Variants in NOS1AP observed in about 807,000 individuals in gnomAD.
NOS1AP encodes carboxyl-terminal PDZ ligand of neuronal nitric oxide synthase protein.
A neutral mutation model predicts 56.2 loss-of-function variants in NOS1AP; 21 were observed. That is an observed-to-expected ratio of 0.37 (90% confidence interval 0.26 to 0.54). The LOEUF (loss-of-function observed/expected upper bound fraction) is 0.54. NOS1AP is among the 20% of genes least tolerant of loss of function. The pLI is 0.84. For missense variants in NOS1AP, 522 were observed against 657.8 expected (o/e 0.79, Z 2.26); for synonymous variants, 270 against 274.6 (o/e 0.98, Z 0.17).
In NOS1AP at chr1:162,078,844, C is replaced by T. The variant is rs559455010; in HGVS notation, c.105+8562C>T. Among the ~76,000 whole-genome samples, 5 of 152,294 alleles carry T rather than the reference C, an allele frequency of 3.3e-5. No individual in the cohort carries two copies. In the South Asian group the frequency reaches 1.0e-3, roughly 32 times the overall value. On this transcript the variant is annotated intron_variant, in intron 1 of 9. Coordinates refer to ENST00000361897, the MANE Select transcript of NOS1AP (RefSeq NM_014697.3). ...AGTTTCCCACCCCGTTCACAAGTCA[C>T]TCTGTGAAGTGGATGTTACCAGTCC...
At chr1:162,118,046 G>A (rs1045215731) in intron 1 of NOS1AP, among the ~76,000 whole-genome samples, 1 of 152,184 alleles carries the variant, frequency 6.6e-6, no homozygotes, top group Middle Eastern at 3.2e-3. Context: ...GTTATGAGAA[G>A]ATACAGATAA....
intron 3 of NOS1AP, among the ~76,000 whole-genome samples, chr1:162,298,673 GA>G (rs1344363691): frequency 6.6e-6 from 1 of 152,196 alleles, no homozygotes; most frequent in Non-Finnish European, 1.5e-5. Context: ...TACCAGGAAT[GA>G]GGAAAATCTC....
chr1:162,364,826 T>G, intron 8 of NOS1AP: 2 of 987,962 alleles, frequency 2.0e-6, no homozygotes, highest in Non-Finnish European at 2.4e-6. Flanking sequence ...CCTCACTAAT[T>G]TAAAAAGCCA....
intron 1 of NOS1AP, among the ~76,000 whole-genome samples, chr1:162,128,581 T>C (rs894998501): frequency 3.9e-5 from 6 of 152,218 alleles, no homozygotes; most frequent in South Asian, 2.1e-4. Flanking sequence ...CAAAAACTCC[T>C]CAAAAAAATT....
At chr1:162,237,521 G>T (rs1212037312) in intron 2 of NOS1AP, among the ~76,000 whole-genome samples, 2 of 152,210 alleles carry the variant, frequency 1.3e-5, no homozygotes, top group Non-Finnish European at 2.9e-5. Flanking sequence ...TTTCAGCTCA[G>T]TGCCTGGTTT....
chr1:162,093,174 G>A (rs1300084046), intron 1 of NOS1AP, among the ~76,000 whole-genome samples: 2 of 152,164 alleles, frequency 1.3e-5, no homozygotes, highest in Non-Finnish European at 2.9e-5. Context: ...TGCTGGTTCT[G>A]ATAAAAATAT....
At chr1:162,125,654 A>G (rs1430400109) in intron 1 of NOS1AP, among the ~76,000 whole-genome samples, 1 of 152,062 alleles carries the variant, frequency 6.6e-6, no homozygotes, top group East Asian at 1.9e-4. Flanking sequence ...TACTAGTACC[A>G]TGCTGTTTTG....
chr1:162,199,945 G>A (rs139869240), intron 2 of NOS1AP, among the ~76,000 whole-genome samples: 2,158 of 152,290 alleles, frequency 0.014, 32 homozygotes, highest in Non-Finnish European at 0.023. Flanking sequence ...ATGCACCTTT[G>A]CTTTGTAGGA....
intron 1 of NOS1AP, among the ~76,000 whole-genome samples, chr1:162,134,973 A>G (rs1337071): frequency 0.24 from 35,788 of 152,092 alleles, 7,837 homozygotes; most frequent in African/African-American, 0.59. Context: ...CTCCATTTCT[A>G]TGCACGCTGA....
At chr1:162,183,655 T>C (rs1310829920) in intron 2 of NOS1AP, among the ~76,000 whole-genome samples, 1 of 152,266 alleles carries the variant, frequency 6.6e-6, no homozygotes, top group East Asian at 1.9e-4. Context: ...TCCATTTTTA[T>C]GTTACAGAGA....
At chr1:162,179,643 A>G (rs1172063171) in intron 2 of NOS1AP, among the ~76,000 whole-genome samples, 2 of 152,220 alleles carry the variant, frequency 1.3e-5, no homozygotes, top group African/African-American at 4.8e-5. Context: ...AGCAGGCTTC[A>G]CAGAGGCTGT....
intron 2 of NOS1AP, among the ~76,000 whole-genome samples, chr1:162,182,880 G>A (rs567264669): frequency 6.6e-6 from 1 of 152,264 alleles, no homozygotes; most frequent in Non-Finnish European, 1.5e-5. Flanking sequence ...ACCCCTCAAA[G>A]TCATCCTGGA....
intron 1 of NOS1AP, among the ~76,000 whole-genome samples, chr1:162,120,026 A>G (rs1241029017): frequency 6.6e-6 from 1 of 151,668 alleles, no homozygotes; most frequent in Non-Finnish European, 1.5e-5. Flanking sequence ...AATTGGTACA[A>G]CCTCTTAGGA....
chr1:162,367,436 G>A lies in NOS1AP; in HGVS notation c.1490G>A (p.Gly497Asp). The change falls in exon 10 of 10, where the codon GGC becomes GAC. Residue 497 changes from glycine to aspartate, a missense_variant. Transcript: ENST00000361897. The surrounding 1 kb of genome is among the most constrained non-coding windows in gnomAD (Gnocchi z 6.5). ...LLNVLQRQEL[G>D]DGLDDEIAV Reference sequence around the variant, plus strand: ...AATGTCCTGCAGAGGCAGGAACTGGGCGACGGCCTGGATGATGAGATCGCC... The same window carrying A: ...AATGTCCTGCAGAGGCAGGAACTGGACGACGGCCTGGATGATGAGATCGCC... 5 of 1,577,190 alleles carry A rather than the reference G, an allele frequency of 3.2e-6. No homozygotes were observed. The highest frequency in any genetic ancestry group is 4.3e-6 in the Non-Finnish European group (5 of 1,158,148).
At chr1:162,287,262 C>G (rs1655118837) in intron 2 of NOS1AP, 82 bp from the exon 3 acceptor site, 1 of 1,014,252 alleles carries the variant, frequency 9.9e-7, no homozygotes, top group Non-Finnish European at 1.6e-6. Flanking sequence ...GACCTTTTTT[C>G]CAGGCATGGG....
At chr1:162,247,614 A>G (rs892279107) in intron 2 of NOS1AP, among the ~76,000 whole-genome samples, 1 of 152,188 alleles carries the variant, frequency 6.6e-6, no homozygotes, top group African/African-American at 2.4e-5. Flanking sequence ...TTCTGTTTCC[A>G]GACTCCAGAG....
intron 1 of NOS1AP, among the ~76,000 whole-genome samples, chr1:162,131,731 G>A (rs754611785): frequency 6.6e-5 from 10 of 151,972 alleles, no homozygotes; most frequent in South Asian, 2.1e-4. Flanking sequence ...GTTATAAGGC[G>A]GCATTTTTTT....
intron 4 of NOS1AP, among the ~76,000 whole-genome samples, chr1:162,307,644 A>G (rs1414565426): frequency 6.6e-6 from 1 of 152,012 alleles, no homozygotes; most frequent in African/African-American, 2.4e-5. Flanking sequence ...TCTACTAAAA[A>G]TACAGAAATA....
chr1:162,134,400 T>G (rs1465406413), intron 1 of NOS1AP, among the ~76,000 whole-genome samples: 1 of 147,858 alleles, frequency 6.8e-6, no homozygotes, highest in African/African-American at 2.5e-5. Context: ...GGCATGAAAA[T>G]CGCTTGAACC....
Sources: gnomAD v4.1 joint callset for allele counts (sites outside exome capture counted in the v4.1 genomes callset) on GRCh38, gnomAD v4.1.1 for gene constraint, Gnocchi (gnomAD v3.1) non-coding constraint, MANE v1.5 for transcripts, NCBI Gene and HGNC (gene_info 2026-07-23, HGNC 2026-07-21) for gene names.